Variants in ESRRG observed in about 807,000 individuals in gnomAD.
ESRRG encodes the protein estrogen-related receptor gamma.
ESRRG carries 13 observed loss-of-function variants against 44.0 expected under a neutral mutation model. That is an observed-to-expected ratio of 0.30 (90% CI 0.19 to 0.47). The LOEUF is 0.47. Among genes scored for constraint, ESRRG ranks in the 20% least tolerant of loss-of-function variants. The pLI, the probability that ESRRG is intolerant of heterozygous loss-of-function variation, is 1.00. For missense variants in ESRRG, 395 were observed against 580.6 expected (o/e 0.68, Z 3.29); for synonymous variants, 215 against 214.6 (o/e 1.00, Z -0.02).
chr1:217,074,684 A>G (rs942666223), intron 1 of ESRRG, among the ~76,000 whole-genome samples: 2 of 152,086 alleles, frequency 1.3e-5, no homozygotes, highest in Admixed American at 1.3e-4. Context: ...CAAAACATTT[A>G]AAAAATTGAG....
chr1:216,909,745 A>G (rs2060098641), intron 2 of ESRRG, among the ~76,000 whole-genome samples: 1 of 152,156 alleles, frequency 6.6e-6, no homozygotes, highest in Non-Finnish European at 1.5e-5. Context: ...TAGGCACCCA[A>G]TATATTAGGC....
At chr1:217,030,077 A>G in intron 1 of ESRRG, among the ~76,000 whole-genome samples, 1 of 152,152 alleles carries the variant, frequency 6.6e-6, no homozygotes, top group East Asian at 1.9e-4. Flanking sequence ...GATGCTGACC[A>G]TGTCAAAGAA....
chr1:216,522,689 G>A (rs777754706), intron 5 of ESRRG, among the ~76,000 whole-genome samples: 41 of 151,990 alleles, frequency 2.7e-4, no homozygotes, highest in African/African-American at 7.7e-4. Flanking sequence ...TACTAGCTAC[G>A]TTGCACATAC....
intron 1 of ESRRG, among the ~76,000 whole-genome samples, chr1:216,679,098 C>T (rs2076585069): frequency 6.6e-6 from 1 of 152,192 alleles, no homozygotes. Context: ...TGAAGTCAAG[C>T]AGTATCAGGA....
chr1:216,669,689 C>G (rs766270985), intron 2 of ESRRG, among the ~76,000 whole-genome samples: 16 of 152,142 alleles, frequency 1.1e-4, no homozygotes, highest in Non-Finnish European at 1.9e-4. Flanking sequence ...AGTTTGAGAC[C>G]AGCCTGGCCA....
chr1:216,510,844 A>G (rs1303231179), intron 6 of ESRRG, among the ~76,000 whole-genome samples: 1 of 152,188 alleles, frequency 6.6e-6, no homozygotes, highest in Non-Finnish European at 1.5e-5. Context: ...ACTGCACTCC[A>G]GCCTGGGCGA....
At chr1:216,761,061 C>T (rs911030845) in intron 2 of ESRRG, among the ~76,000 whole-genome samples, 10 of 151,884 alleles carry the variant, frequency 6.6e-5, no homozygotes, top group African/African-American at 2.4e-4. Flanking sequence ...ACCTCAACCT[C>T]CCCCTGGGGA....
chr1:216,910,691 G>A (rs1287529995), intron 2 of ESRRG, among the ~76,000 whole-genome samples: 2 of 152,136 alleles, frequency 1.3e-5, no homozygotes, highest in African/African-American at 2.4e-5. Context: ...TCTTTGTTAC[G>A]ATGAGGGGCA....
chr1:216,689,520 C>T (rs890574195), intron 1 of ESRRG, among the ~76,000 whole-genome samples: 9 of 152,000 alleles, frequency 5.9e-5, no homozygotes, highest in Non-Finnish European at 1.2e-4. Context: ...ATGTAAAGTC[C>T]GTGGCTGAAC....
At chr1:216,952,110 C>T (rs909389412) in intron 1 of ESRRG, among the ~76,000 whole-genome samples, 1 of 152,112 alleles carries the variant, frequency 6.6e-6, no homozygotes, top group African/African-American at 2.4e-5. Context: ...CTCTGCCCCA[C>T]ACCTTGCCAA....
intron 1 of ESRRG, among the ~76,000 whole-genome samples, chr1:216,964,760 T>G (rs899746723): frequency 2.0e-5 from 3 of 151,260 alleles, no homozygotes; most frequent in Non-Finnish European, 2.9e-5. Context: ...AAAAAAAACC[T>G]CTGGCAGAGA....
chr1:216,781,055 A>C (rs369378585), intron 2 of ESRRG, among the ~76,000 whole-genome samples: 5 of 152,078 alleles, frequency 3.3e-5, no homozygotes, highest in Non-Finnish European at 7.4e-5. Flanking sequence ...TTTTAACCCA[A>C]GTTAAAATTA....
At chr1:216,712,790 G>T (rs1050953216) in intron 1 of ESRRG, among the ~76,000 whole-genome samples, 1 of 152,198 alleles carries the variant, frequency 6.6e-6, no homozygotes, top group Non-Finnish European at 1.5e-5. Context: ...AAGGTTGCCT[G>T]CAGTAAGTAC....
intron 1 of ESRRG, among the ~76,000 whole-genome samples, chr1:216,979,826 A>AGT (rs1560344483): frequency 6.6e-6 from 1 of 151,908 alleles, no homozygotes; most frequent in African/African-American, 2.4e-5. Flanking sequence ...TATTATATAG[A>AGT]CAGCTTGCCC....
intron 1 of ESRRG, among the ~76,000 whole-genome samples, chr1:217,012,190 G>T (rs1159216849): frequency 6.6e-6 from 1 of 152,090 alleles, no homozygotes; most frequent in African/African-American, 2.4e-5. Context: ...TCATTCTAGT[G>T]GATTGCCATT....
chr1:216,993,160 T>C (rs2075958045), intron 1 of ESRRG, among the ~76,000 whole-genome samples: 1 of 152,244 alleles, frequency 6.6e-6, no homozygotes, highest in African/African-American at 2.4e-5. Flanking sequence ...TGAGTTATTT[T>C]ATTCACACTT....
At chr1:217,063,472 C>T (rs1035402746) in intron 1 of ESRRG, among the ~76,000 whole-genome samples, 1 of 152,208 alleles carries the variant, frequency 6.6e-6, no homozygotes, top group Non-Finnish European at 1.5e-5. Flanking sequence ...TTAACAATCT[C>T]GTGACCTTTA....
chr1:216,933,826 C>A (rs893286559), intron 2 of ESRRG, among the ~76,000 whole-genome samples: 1 of 152,060 alleles, frequency 6.6e-6, no homozygotes, highest in Non-Finnish European at 1.5e-5. Flanking sequence ...AAGAGCTCTG[C>A]ACTTGTATTC....
At chr1:216,931,436 T>G (rs11572496) in intron 2 of ESRRG, among the ~76,000 whole-genome samples, 12,582 of 152,232 alleles carry the variant, frequency 0.083, 633 homozygotes, top group African/African-American at 0.093. Flanking sequence ...TGCTCCTTCC[T>G]TATTCTGGAA....
Sources: allele counts gnomAD v4.1 joint callset (sites outside exome capture counted in the v4.1 genomes callset), GRCh38; gene constraint gnomAD v4.1.1; transcripts MANE v1.5; gene names NCBI Gene and HGNC (gene_info 2026-07-23, HGNC 2026-07-21).